The following GOLGA8B variants were observed in gnomAD, a reference collection of about 807,000 sequenced individuals.
The protein encoded by GOLGA8B is golgin subfamily A member 8B.
A neutral mutation model predicts 15.6 loss-of-function variants in GOLGA8B; 1 was observed. The ratio of observed to expected loss-of-function variants is 0.06; its 90% CI spans 0.02 to 0.30. GOLGA8B has a LOEUF of 0.30. GOLGA8B is among the 10% of genes least tolerant of loss of function. The pLI, the probability that GOLGA8B is intolerant of heterozygous loss-of-function variation, is 1.00. For synonymous variants in GOLGA8B, 9 were observed against 80.3 expected (o/e 0.11, Z 4.75); for missense variants, 17 against 201.3 (o/e 0.08, Z 5.54).
chr15:34,579,855 TC>T (rs1174006931), intron 1 of GOLGA8B, among the ~76,000 whole-genome samples: 3 of 152,188 alleles, frequency 2.0e-5, no homozygotes, highest in Non-Finnish European at 4.4e-5. Context: ...CTACTGGGGA[TC>T]CAGAGGTGAA....
chr15:34,582,270 C>T (rs1889258496), intron 1 of GOLGA8B, among the ~76,000 whole-genome samples: 1 of 152,242 alleles, frequency 6.6e-6, no homozygotes, highest in African/African-American at 2.4e-5. Context: ...GAAAAAGCCA[C>T]CTGCAGGCTC....
intron 1 of GOLGA8B, among the ~76,000 whole-genome samples, chr15:34,575,371 G>A (rs1361648043): frequency 2.7e-5 from 4 of 150,394 alleles, no homozygotes; most frequent in Non-Finnish European, 4.4e-5. Context: ...ACCCCTGACC[G>A]CGTCTTCCTC....
intron 1 of GOLGA8B, among the ~76,000 whole-genome samples, chr15:34,576,663 C>T (rs562592805): frequency 1.3e-5 from 2 of 152,314 alleles, no homozygotes; most frequent in East Asian, 1.9e-4. Flanking sequence ...ATGCCATTCC[C>T]GAGAGAATCA....
At chr15:34,572,868 T>C (rs1888959538) in intron 1 of GOLGA8B, among the ~76,000 whole-genome samples, 1 of 152,216 alleles carries the variant, frequency 6.6e-6, no homozygotes, top group Non-Finnish European at 1.5e-5. Context: ...GCCAGGGTCC[T>C]TCTCAACTCC....
chr15:34,571,230 T>C (rs1468844117), intron 1 of GOLGA8B, among the ~76,000 whole-genome samples: 1 of 152,094 alleles, frequency 6.6e-6, no homozygotes, highest in Non-Finnish European at 1.5e-5. Context: ...GGAGGATCAC[T>C]TGAGACCAGG....
chr15:34,557,590 C>T (rs1360834268), intron 1 of GOLGA8B, among the ~76,000 whole-genome samples: 1 of 60,646 alleles, frequency 1.6e-5, no homozygotes, highest in African/African-American at 5.9e-5. Context: ...ATGTGGACTG[C>T]TTTCATATTT....
intron 1 of GOLGA8B, among the ~76,000 whole-genome samples, chr15:34,572,521 C>A (rs1208131711): frequency 6.6e-6 from 1 of 152,168 alleles, no homozygotes; most frequent in Non-Finnish European, 1.5e-5. Context: ...GATCGAAGTG[C>A]AAATCTTATT....
intron 1 of GOLGA8B, among the ~76,000 whole-genome samples, chr15:34,582,521 G>A (rs1889267767): frequency 6.6e-6 from 1 of 152,252 alleles, no homozygotes; most frequent in South Asian, 2.1e-4. Context: ...CCGTTTAAGA[G>A]CTGACTGCAC....
intron 1 of GOLGA8B, among the ~76,000 whole-genome samples, chr15:34,581,256 G>T (rs1276282783): frequency 6.6e-6 from 1 of 152,184 alleles, no homozygotes; most frequent in Non-Finnish European, 1.5e-5. Flanking sequence ...CCTGGAGGGG[G>T]CCTCTTCAGC....
At chr15:34,571,881 C>T (rs928807050) in intron 1 of GOLGA8B, among the ~76,000 whole-genome samples, 1 of 151,738 alleles carries the variant, frequency 6.6e-6, no homozygotes, top group African/African-American at 2.4e-5. Context: ...ATTCAAAGGA[C>T]AAGTGGCATC....
intron 1 of GOLGA8B, among the ~76,000 whole-genome samples, chr15:34,570,591 G>A (rs1888889871): frequency 8.2e-6 from 1 of 122,060 alleles, no homozygotes; most frequent in Admixed American, 9.2e-5. Context: ...CTCCACGATG[G>A]ACCCCATAAC....
At chr15:34,582,961 G>T (rs777258579) in intron 1 of GOLGA8B, 8 of 152,236 alleles carry the variant, frequency 5.3e-5, no homozygotes, top group Non-Finnish European at 1.2e-4. Context: ...GGGCAACAAG[G>T]TGTGGGGTTT....
intron 1 of GOLGA8B, among the ~76,000 whole-genome samples, chr15:34,574,340 C>G (rs1480361991): frequency 1.3e-5 from 2 of 150,366 alleles, no homozygotes; most frequent in Non-Finnish European, 2.9e-5. Flanking sequence ...AGTTCTCGCT[C>G]TGTCACCCAG....
In GOLGA8B at chr15:34,525,675, T is replaced by C. The variant is rs1284319107; in HGVS notation, c.*1957A>G. The C allele has an allele frequency of 2.7e-5, 4 of 150,026 alleles. No individual in the cohort carries two copies. The highest frequency in any genetic ancestry group is 4.5e-5 in the Non-Finnish European group (3 of 67,326). 9.3% of individuals were successfully genotyped at this position (150,026 alleles called of 1,614,324 possible). A position where few individuals can be genotyped will look rare whatever the true frequency, so the allele number is the denominator to read the frequency against. On this transcript the variant is annotated 3_prime_UTR_variant, in exon 24 of 24. Transcript: ENST00000683415. ...ATTATTTGGTCTAATATTTTTTCTT[T>C]ATTATTCTGAAACTGGGTTTATCTA...
chr15:34,569,317 G>A (rs868253901), intron 1 of GOLGA8B, among the ~76,000 whole-genome samples: 2 of 150,116 alleles, frequency 1.3e-5, no homozygotes, highest in African/African-American at 2.4e-5. Context: ...CAAACACCCA[G>A]GCCTTGGACC....
chr15:34,566,077 G>T (rs1305977843), intron 1 of GOLGA8B: 2 of 120,254 alleles, frequency 1.7e-5, no homozygotes, highest in East Asian at 4.4e-4. Context: ...CTAAGTCAAA[G>T]AAGCCAGTTG....
intron 1 of GOLGA8B, chr15:34,556,470 A>C (rs1338879303): frequency 1.4e-6 from 1 of 696,498 alleles, no homozygotes; most frequent in Non-Finnish European, 2.7e-6. Context: ...TGTGGAGGCT[A>C]ACGGGAACAC....
chr15:34,525,325 C>T lies in GOLGA8B; in HGVS notation c.*2307G>A, dbSNP rs576120195. 3.3e-5 allele frequency: 5 copies of T among 149,870 alleles called. No individual in the cohort carries two copies. Among genetic ancestry groups the T allele is most frequent in the South Asian group, 4.3e-4 (2 of 4,686 alleles). 9.3% of individuals were successfully genotyped at this position (149,870 alleles called of 1,614,324 possible). A position where few individuals can be genotyped will look rare whatever the true frequency, so the allele number is the denominator to read the frequency against. ...TTTATCACATTACAGTAGCATCACA[C>T]CAGCAGTCAATAATGCCACTTTAGG... On this transcript the variant is annotated 3_prime_UTR_variant, in exon 24 of 24. Transcript: ENST00000683415.
At chr15:34,571,270 A>G (rs1888906587) in intron 1 of GOLGA8B, among the ~76,000 whole-genome samples, 1 of 152,164 alleles carries the variant, frequency 6.6e-6, no homozygotes. Flanking sequence ...CCGTGTTTGC[A>G]CCGCTGCAAT....
Sources: gnomAD v4.1 joint callset for allele counts (sites outside exome capture counted in the v4.1 genomes callset) on GRCh38, gnomAD v4.1.1 for gene constraint, MANE v1.5 for transcripts, NCBI Gene and HGNC (gene_info 2026-07-23, HGNC 2026-07-21) for gene names.